Variants in CCDC178 observed in about 807,000 individuals in gnomAD.
CCDC178 encodes coiled-coil domain-containing protein 178.
CCDC178 carries 126 observed loss-of-function variants against 117.4 expected under a neutral mutation model. The ratio of observed to expected loss-of-function variants is 1.07; its 90% CI spans 0.93 to 1.24. The LOEUF (loss-of-function observed/expected upper bound fraction) is 1.24, where lower values mean the gene tolerates loss of function less well. CCDC178 is among the 50% of genes most tolerant of loss of function. The pLI is 0.00. For missense variants in CCDC178, 1,030 were observed against 986.9 expected (o/e 1.04, Z -0.59); for synonymous variants, 283 against 313.4 (o/e 0.90, Z 1.02).
chr18:33,436,807 A>T (rs2064298616), intron 2 of CCDC178, among the ~76,000 whole-genome samples: 1 of 151,768 alleles, frequency 6.6e-6, no homozygotes, highest in South Asian at 2.1e-4. Flanking sequence ...GCTTATTATA[A>T]GAGATCTCCA....
At chr18:33,420,444 C>G (rs1308675598) in intron 2 of CCDC178, among the ~76,000 whole-genome samples, 1 of 152,170 alleles carries the variant, frequency 6.6e-6, no homozygotes, top group African/African-American at 2.4e-5. Context: ...ACCTCTGCCT[C>G]CCAGGTTCAA....
chr18:33,353,718 A>G (rs964933896), intron 7 of CCDC178, among the ~76,000 whole-genome samples: 3 of 152,096 alleles, frequency 2.0e-5, no homozygotes, highest in African/African-American at 7.2e-5. Context: ...TGTCAATTTC[A>G]CAAATTACAT....
chr18:33,009,434 C>T (rs887481445), intron 21 of CCDC178, among the ~76,000 whole-genome samples: 5 of 152,004 alleles, frequency 3.3e-5, no homozygotes, highest in South Asian at 2.1e-4. Context: ...TACACTGGCC[C>T]GGTGTTACCT....
At chr18:33,400,681 GGT>G (rs1164933597) in intron 3 of CCDC178, among the ~76,000 whole-genome samples, 2 of 152,154 alleles carry the variant, frequency 1.3e-5, no homozygotes, top group Non-Finnish European at 2.9e-5. Context: ...TGTTGTGTCT[GGT>G]TTGATCTTCT....
At chr18:33,286,338 GTAATGAAACACTACTGT>G (rs1247656755) in intron 12 of CCDC178, among the ~76,000 whole-genome samples, 1 of 152,112 alleles carries the variant, frequency 6.6e-6, no homozygotes, top group Non-Finnish European at 1.5e-5. Flanking sequence ...TGAATACTGT[GTAATGAAACACTACTGT>G]TTTCATGGTC....
At chr18:33,284,348 A>T (rs1362459716) in intron 12 of CCDC178, among the ~76,000 whole-genome samples, 1 of 152,172 alleles carries the variant, frequency 6.6e-6, no homozygotes, top group Non-Finnish European at 1.5e-5. Context: ...CCCATGACAT[A>T]AGGTTACCTA....
intron 21 of CCDC178, among the ~76,000 whole-genome samples, chr18:32,996,810 T>C (rs2055519899): frequency 6.6e-6 from 1 of 152,076 alleles, no homozygotes; most frequent in East Asian, 1.9e-4. Flanking sequence ...AAATTGAATG[T>C]AGAAAATATT....
At chr18:33,332,571 C>T (rs2062683497) in intron 10 of CCDC178, among the ~76,000 whole-genome samples, 1 of 151,636 alleles carries the variant, frequency 6.6e-6, no homozygotes, top group South Asian at 2.1e-4. Flanking sequence ...TTCTGAAGTT[C>T]TTGTTTTGTT....
At chr18:33,097,676 T>C (rs376070233) in intron 20 of CCDC178, among the ~76,000 whole-genome samples, 4 of 152,082 alleles carry the variant, frequency 2.6e-5, no homozygotes, top group East Asian at 1.9e-4. Flanking sequence ...CTATATGCAA[T>C]GCAGTCTTCA....
At chr18:33,356,480 G>A (rs991543135) in intron 6 of CCDC178, 134 bp from the exon 7 acceptor site, 9 of 948,668 alleles carry the variant, frequency 9.5e-6, no homozygotes, top group Admixed American at 4.2e-5. Flanking sequence ...TTATACTCTC[G>A]GTTGTATAAA....
intron 20 of CCDC178, among the ~76,000 whole-genome samples, chr18:33,163,009 T>C (rs564664137): frequency 6.6e-6 from 1 of 152,330 alleles, no homozygotes; most frequent in Non-Finnish European, 1.5e-5. Flanking sequence ...GGAATTGCCA[T>C]ACTGCTTTCC....
rs113577528 is a variant in CCDC178 at position 33,396,862 on chromosome 18, C to T, written c.118+287G>A. On this transcript the variant is annotated intron_variant, in intron 4 of 22. Coordinates refer to ENST00000383096, the MANE Select transcript of CCDC178 (RefSeq NM_001105528.4). ...GTGAGTGAAGGTGACACAGATGCTT[C>T]CTCATAATCATTTATGAAAAAAACC... 3.2e-3 allele frequency among the ~76,000 whole-genome samples: 488 copies of T among 152,112 alleles called. 1 individual carries two copies. The highest frequency in any genetic ancestry group is 5.4e-3 in the Non-Finnish European group (370 of 67,984).
Position 33,388,901 on chromosome 18 carries a change from C to T in CCDC178, c.208+639G>A, listed in dbSNP as rs536326418. ...ACTAACGCAGGAACAGAAAACCAAA[C>T]ACTGCATGTTCTCACTTATAAGTGG... On this transcript the variant is annotated intron_variant, in intron 5 of 22. Coordinates refer to ENST00000383096, the MANE Select transcript of CCDC178 (RefSeq NM_001105528.4). 4.9e-3 allele frequency among the ~76,000 whole-genome samples: 745 copies of T among 152,142 alleles called. 4 individuals are homozygous for T. The highest frequency in any genetic ancestry group is 7.5e-3 in the Non-Finnish European group (508 of 68,014).
chr18:33,031,750 G>A (rs1025874005), intron 21 of CCDC178, among the ~76,000 whole-genome samples: 2 of 151,986 alleles, frequency 1.3e-5, no homozygotes, highest in East Asian at 3.9e-4. Flanking sequence ...ACATAAATAT[G>A]TATTTTGTAT....
intron 11 of CCDC178, among the ~76,000 whole-genome samples, chr18:33,299,070 T>A (rs2144899530): frequency 6.6e-6 from 1 of 152,220 alleles, no homozygotes; most frequent in Non-Finnish European, 1.5e-5. Context: ...TAAATGCAAT[T>A]CGTATCAGAA....
chr18:33,148,317 G>A (rs949413949), intron 20 of CCDC178, among the ~76,000 whole-genome samples: 22 of 152,132 alleles, frequency 1.4e-4, no homozygotes, highest in African/African-American at 4.6e-4. Context: ...CCAGGCACTC[G>A]GCAGCCTGAG....
Position 33,346,469 on chromosome 18 carries a change from G to T in CCDC178, c.458-58C>A, listed in dbSNP as rs539075130. ...TAAATCAGTCAATAAGCTGGATGATGGGAACATGGGCCTTAGTTGTATTAT... is the reference window on the plus strand; with the variant it reads ...TAAATCAGTCAATAAGCTGGATGATTGGAACATGGGCCTTAGTTGTATTAT... On this transcript the variant is annotated intron_variant, in intron 8 of 22. Transcript: ENST00000383096. 1.7e-5 allele frequency: 17 copies of T among 1,018,748 alleles called. No individual in the cohort carries two copies. In the East Asian group the frequency reaches 3.9e-4, roughly 24 times the overall value. 63.1% of individuals were successfully genotyped at this position (1,018,748 alleles called of 1,614,324 possible). A position where few individuals can be genotyped will look rare whatever the true frequency, so the allele number is the denominator to read the frequency against.
chr18:33,206,662 C>T (rs1029590956), intron 20 of CCDC178, among the ~76,000 whole-genome samples: 1 of 151,718 alleles, frequency 6.6e-6, no homozygotes, highest in Admixed American at 6.6e-5. Flanking sequence ...ACTGATCACA[C>T]AAAACGGAAA....
At chr18:33,086,650 A>G (rs1160948642) in intron 21 of CCDC178, among the ~76,000 whole-genome samples, 1 of 152,004 alleles carries the variant, frequency 6.6e-6, no homozygotes, top group Non-Finnish European at 1.5e-5. Context: ...TGCAGTTTAA[A>G]TCTCTAAGAA....
Sources: gnomAD v4.1 joint callset for allele counts (sites outside exome capture counted in the v4.1 genomes callset) on GRCh38, gnomAD v4.1.1 for gene constraint, MANE v1.5 for transcripts, NCBI Gene and HGNC (gene_info 2026-07-23, HGNC 2026-07-21) for gene names.